The following CNTNAP2 variants were observed in gnomAD, a reference collection of about 807,000 sequenced individuals.
The protein encoded by CNTNAP2 is contactin associated protein 2.
A neutral mutation model predicts 155.2 loss-of-function variants in CNTNAP2; 98 were observed. That is an observed-to-expected ratio of 0.63 (90% CI 0.54 to 0.75). The LOEUF (loss-of-function observed/expected upper bound fraction) is 0.75. CNTNAP2 is among the 30% of genes least tolerant of loss of function. The pLI is 0.00. For synonymous variants in CNTNAP2, 651 were observed against 631.2 expected (o/e 1.03, Z -0.47); for missense variants, 1,727 against 1,688.1 (o/e 1.02, Z -0.40).
Position 147,009,464 on chromosome 7 carries a change from G to A in CNTNAP2, c.403-34443G>A, listed in dbSNP as rs574523808. 2.6e-5 allele frequency among the ~76,000 whole-genome samples: 4 copies of A among 152,200 alleles called. No individual in the cohort carries two copies. The East Asian group carries it at 7.7e-4, about 29-fold the overall frequency. Reference sequence around the variant, plus strand: ...TTAGTCCGATATGTGCATTTACCTTGGCTGTAGAACTGTGTTGTTTATTTC... The same window carrying A: ...TTAGTCCGATATGTGCATTTACCTTAGCTGTAGAACTGTGTTGTTTATTTC... On this transcript the variant is annotated intron_variant, in intron 3 of 23. Coordinates refer to ENST00000361727, the MANE Select transcript of CNTNAP2 (RefSeq NM_014141.6).
chr7:146,930,327 C>T (rs573942936), intron 3 of CNTNAP2, among the ~76,000 whole-genome samples: 2 of 152,092 alleles, frequency 1.3e-5, no homozygotes, highest in South Asian at 2.1e-4. Flanking sequence ...AATTTCATAT[C>T]CAGCCAAACT....
At chr7:146,301,012 A>T (rs1309300020) in intron 1 of CNTNAP2, among the ~76,000 whole-genome samples, 1 of 152,182 alleles carries the variant, frequency 6.6e-6, no homozygotes, top group Admixed American at 6.5e-5. Flanking sequence ...TGAATTTTAC[A>T]AACATGCTAT....
At chr7:147,202,901 A>G (rs985548180) in intron 8 of CNTNAP2, among the ~76,000 whole-genome samples, 16 of 151,400 alleles carry the variant, frequency 1.1e-4, no homozygotes, top group Non-Finnish European at 1.9e-4. Flanking sequence ...ATAGATCAAT[A>G]TTGTTATGGA....
chr7:146,769,481 G>A (rs905616930), intron 1 of CNTNAP2, among the ~76,000 whole-genome samples: 1 of 152,162 alleles, frequency 6.6e-6, no homozygotes, highest in African/African-American at 2.4e-5. Flanking sequence ...GTAATAGTCA[G>A]TATGGCAATA....
At chr7:148,285,844 C>T (rs536541371) in intron 21 of CNTNAP2, among the ~76,000 whole-genome samples, 5 of 152,100 alleles carry the variant, frequency 3.3e-5, no homozygotes, top group African/African-American at 1.2e-4. Context: ...GGTGCTGACC[C>T]CCTATGCAGT....
At chr7:148,043,522 C>T (rs1802715388) in intron 15 of CNTNAP2, among the ~76,000 whole-genome samples, 1 of 152,178 alleles carries the variant, frequency 6.6e-6, no homozygotes, top group South Asian at 2.1e-4. Flanking sequence ...GCCTTAACTA[C>T]AATAATAAAG....
intron 2 of CNTNAP2, among the ~76,000 whole-genome samples, chr7:146,821,750 T>C (rs1403147482): frequency 6.6e-6 from 1 of 151,836 alleles, no homozygotes; most frequent in African/African-American, 2.4e-5. Context: ...ATCAGAGAAA[T>C]GCAAATCAAA....
chr7:146,836,407 G>A (rs1374216975), intron 2 of CNTNAP2, among the ~76,000 whole-genome samples: 1 of 152,124 alleles, frequency 6.6e-6, no homozygotes, highest in Non-Finnish European at 1.5e-5. Flanking sequence ...TTTAACAGAG[G>A]TAGTATGGTC....
intron 11 of CNTNAP2, among the ~76,000 whole-genome samples, chr7:147,489,522 C>T (rs948999750): frequency 2.6e-5 from 4 of 152,298 alleles, no homozygotes; most frequent in Admixed American, 2.6e-4. Context: ...ATCTGAACAC[C>T]AAACCATGAC....
intron 13 of CNTNAP2, among the ~76,000 whole-genome samples, chr7:147,831,343 TAC>T (rs1282668918): frequency 3.9e-5 from 6 of 152,220 alleles, no homozygotes; most frequent in Non-Finnish European, 5.9e-5. Flanking sequence ...TGAAAACGCA[TAC>T]ACTCTTACTG....
chr7:148,374,987 A>T (rs1798957383), intron 21 of CNTNAP2, among the ~76,000 whole-genome samples: 2 of 152,158 alleles, frequency 1.3e-5, no homozygotes, highest in African/African-American at 4.8e-5. Flanking sequence ...AGCCCTAAAA[A>T]ATCATGCCAT....
intron 18 of CNTNAP2, among the ~76,000 whole-genome samples, chr7:148,183,475 CTTTTTT>C (rs71527885): frequency 7.3e-4 from 60 of 82,250 alleles, no homozygotes; most frequent in African/African-American, 2.6e-3. Flanking sequence ...TACTTATTTG[CTTTTTT>C]TTTTTTTTTT....
chr7:148,085,451 A>G (rs1022383049), intron 15 of CNTNAP2, among the ~76,000 whole-genome samples: 2 of 152,192 alleles, frequency 1.3e-5, no homozygotes, highest in Non-Finnish European at 2.9e-5. Context: ...CTTCTATTAA[A>G]TATACATATA....
intron 1 of CNTNAP2, among the ~76,000 whole-genome samples, chr7:146,297,314 C>A (rs892356129): frequency 1.3e-5 from 2 of 151,718 alleles, no homozygotes; most frequent in Non-Finnish European, 2.9e-5. Context: ...AAATTAATAT[C>A]AAGAGCATTA....
intron 13 of CNTNAP2, among the ~76,000 whole-genome samples, chr7:147,774,641 T>C (rs1797530078): frequency 6.6e-6 from 1 of 152,150 alleles, no homozygotes; most frequent in Non-Finnish European, 1.5e-5. Context: ...ACTGGCTCCC[T>C]GCCATGTGAG....
intron 5 of CNTNAP2, among the ~76,000 whole-genome samples, chr7:147,120,145 A>G (rs1432221686): frequency 6.6e-6 from 1 of 152,218 alleles, no homozygotes; most frequent in Non-Finnish European, 1.5e-5. Flanking sequence ...TCTCTTTACA[A>G]CAATGTCTTT....
chr7:148,303,958 C>T (rs1305150783), intron 21 of CNTNAP2, among the ~76,000 whole-genome samples: 3 of 152,156 alleles, frequency 2.0e-5, no homozygotes, highest in Non-Finnish European at 4.4e-5. Flanking sequence ...TTTGAGATTA[C>T]TTTTGGTTAA....
chr7:146,751,893 G>T (rs967272864), intron 1 of CNTNAP2, among the ~76,000 whole-genome samples: 1 of 152,074 alleles, frequency 6.6e-6, no homozygotes, highest in Non-Finnish European at 1.5e-5. Context: ...TTCGGTTCTT[G>T]TGTTAGTTTG....
At chr7:147,517,356 A>T (rs1799146208) in intron 11 of CNTNAP2, among the ~76,000 whole-genome samples, 1 of 152,212 alleles carries the variant, frequency 6.6e-6, no homozygotes, top group African/African-American at 2.4e-5. Flanking sequence ...TCTTCAATAC[A>T]GCAGGCAGGG....
Sources: gnomAD v4.1 joint callset for allele counts (sites outside exome capture counted in the v4.1 genomes callset) on GRCh38, gnomAD v4.1.1 for gene constraint, MANE v1.5 for transcripts, NCBI Gene and HGNC (gene_info 2026-07-23, HGNC 2026-07-21) for gene names.